The following CYP24A1 variants were observed in gnomAD, a reference collection of about 807,000 sequenced individuals.
CYP24A1 encodes the protein 1,25-dihydroxyvitamin D(3) 24-hydroxylase, mitochondrial.
Under a neutral mutation model 62.4 loss-of-function variants are expected in CYP24A1, and 68 were observed. That is an observed-to-expected ratio of 1.09 (90% CI 0.90 to 1.33). The LOEUF (loss-of-function observed/expected upper bound fraction) is 1.33. Among genes scored for constraint, CYP24A1 ranks in the 40% most tolerant of loss-of-function variants. CYP24A1 has a pLI of 0.00. For synonymous variants in CYP24A1, 267 were observed against 253.0 expected (o/e 1.06, Z -0.52); for missense variants, 787 against 653.0 (o/e 1.21, Z -2.24).
chr20:54,157,968 A>G (rs1021245662), intron 9 of CYP24A1, 118 bp downstream of exon 9: 7 of 1,517,522 alleles, frequency 4.6e-6, no homozygotes, highest in African/African-American at 4.1e-5. Flanking sequence ...ATTCTCTACC[A>G]TCTCTGCATT....
At chr20:54,147,906 T>C in the CYP24A1 span, among the ~76,000 whole-genome samples, 1 of 152,130 alleles carries the variant, frequency 6.6e-6, no homozygotes, top group East Asian at 1.9e-4. Flanking sequence ...GGATCTTGGC[T>C]CACTGCAACC....
Position 54,173,232 on chromosome 20 carries a change from G to A in CYP24A1, c.258+90C>T, listed in dbSNP as rs1298009390. On this transcript the variant is annotated intron_variant, in intron 1 of 11. Transcript: ENST00000216862. The surrounding 1 kb of genome is among the most constrained non-coding windows in gnomAD (Gnocchi z 7.2). ...GCCCAGACGCCGAAGCGCACCATGC[G>A]CCCGAGGCGCGCATGTCGGGGAGGG... The A allele has an allele frequency of 3.3e-6, 5 of 1,514,906 alleles. No homozygotes were observed. Among genetic ancestry groups the A allele is most frequent in the Non-Finnish European group, 3.6e-6 (4 of 1,098,258 alleles). 93.8% of individuals were successfully genotyped at this position (1,514,906 alleles called of 1,614,324 possible). A position where few individuals can be genotyped will look rare whatever the true frequency, so the allele number is the denominator to read the frequency against.
chr20:54,166,263 C>T lies in CYP24A1; in HGVS notation c.641-430G>A, dbSNP rs374352632. ...GAGAAGGGAAGGGAATAATTATGTT[C>T]TAAACACCCATTACACGCCAGGTAC... On this transcript the variant is annotated intron_variant, in intron 4 of 11. Transcript: ENST00000216862. Among the ~76,000 whole-genome samples the T allele has an allele frequency of 5.8e-4, 88 of 152,298 alleles. 2 individuals are homozygous for T. The highest frequency in any genetic ancestry group is 2.0e-3 in the African/African-American group (82 of 41,572).
intron 2 of CYP24A1, 59 bp from the exon 3 acceptor site, chr20:54,171,729 A>C (rs764588937): frequency 1.1e-5 from 18 of 1,613,812 alleles, no homozygotes; most frequent in Non-Finnish European, 1.5e-5. Flanking sequence ...GGAGATGCAG[A>C]AATACTCCAG....
In CYP24A1 at chr20:54,173,491, G is replaced by T. The variant is rs1043288446; in HGVS notation, c.89C>A (p.Ser30Tyr). 1 of 1,565,664 alleles carries T rather than the reference G, an allele frequency of 6.4e-7. No individual in the cohort carries two copies. Among genetic ancestry groups the T allele is most frequent in the Non-Finnish European group, 8.7e-7 (1 of 1,154,964 alleles). ...SPRQPPRLVT[S>Y]TAYTSPQPRE... ...CGGCTGAGGGGACGTGTACGCCGTA[G>T]ATGTCACCAGTCTCGGGGGCTGCCT... Residue 30 changes from serine (S) to tyrosine (Y), a missense_variant, in exon 1 of 12, where the codon TCT (serine) becomes TAT (tyrosine). Physicochemically the swap from Ser to Tyr is moderately radical, Grantham distance 144. Transcript: ENST00000216862. This position sits in a 1 kb window ranked among gnomAD's most constrained non-coding sequence, Gnocchi z 7.2.
chr20:54,164,336 T>G lies in CYP24A1; in HGVS notation c.844+116A>C. ...GGGCAATCCCCAAAACACCTGTGTT[T>G]GCAAAACCTAAATGTGGTGATGAGG... is the stretch of plus-strand genomic sequence containing the variant. On this transcript the variant is annotated intron_variant, in intron 6 of 11. Coordinates refer to ENST00000216862, the MANE Select transcript of CYP24A1 (RefSeq NM_000782.5). 5.7e-6 allele frequency: 9 copies of G among 1,591,672 alleles called. No individual in the cohort carries two copies. The South Asian group carries it at 1.0e-4, about 18-fold the overall frequency.
At chr20:54,151,224 C>A (rs572682788), downstream of CYP24A1, among the ~76,000 whole-genome samples, 12 of 152,256 alleles carry the variant, frequency 7.9e-5, no homozygotes, top group Admixed American at 5.9e-4. Flanking sequence ...GGTTCCTCCC[C>A]CTTTTAGACC....
chr20:54,155,821 A>G (rs1430157503), intron 11 of CYP24A1, among the ~76,000 whole-genome samples: 1 of 151,976 alleles, frequency 6.6e-6, no homozygotes, highest in African/African-American at 2.4e-5. Context: ...TGTAATGTCT[A>G]TTAGGAGAAC....
chr20:54,161,166 A>G (rs759046530), intron 7 of CYP24A1, among the ~76,000 whole-genome samples: 38 of 152,138 alleles, frequency 2.5e-4, no homozygotes, highest in Non-Finnish European at 4.4e-4. Flanking sequence ...CTCTGACCAC[A>G]TTTACTAGTT....
At position 54,173,122 on chromosome 20, in the gene CYP24A1, C is replaced by T. The variant is rs1224590633; in HGVS notation, c.259-23G>A. ...CACCTGCAGCCGGCCGGGCACAGCGCGGTGTCAGCGCGCATCCTCCGCCGT... is the reference window on the plus strand; with the variant it reads ...CACCTGCAGCCGGCCGGGCACAGCGTGGTGTCAGCGCGCATCCTCCGCCGT... On this transcript the variant is annotated intron_variant, in intron 1 of 11. Transcript: ENST00000216862. The surrounding 1 kb of genome is among the most constrained non-coding windows in gnomAD (Gnocchi z 7.2). The T allele has an allele frequency of 6.2e-7, 1 of 1,600,090 alleles. No individual in the cohort carries two copies. Among genetic ancestry groups the T allele is most frequent in the Non-Finnish European group, 8.5e-7 (1 of 1,178,960 alleles).
At chr20:54,162,458 C>T (rs2092654798) in intron 7 of CYP24A1, 1 of 313,536 alleles carries the variant, frequency 3.2e-6, no homozygotes, top group Admixed American at 4.9e-5. Flanking sequence ...CATGAAGTCT[C>T]CTCCTACCCA....
chr20:54,171,470 C>A, intron 3 of CYP24A1, 107 bp downstream of exon 3: 1 of 1,604,876 alleles, frequency 6.2e-7, no homozygotes, highest in Non-Finnish European at 8.5e-7. Flanking sequence ...TTTGAATCAC[C>A]CGAATTGCAT....
At chr20:54,162,199 T>C (rs2092652826) in intron 7 of CYP24A1, among the ~76,000 whole-genome samples, 1 of 146,772 alleles carries the variant, frequency 6.8e-6, no homozygotes, top group Non-Finnish European at 1.5e-5. Context: ...AAAAATATTA[T>C]TGGCTTGAAA....
chr20:54,148,361 G>GAC, the CYP24A1 span, among the ~76,000 whole-genome samples: 35 of 70,054 alleles, frequency 5.0e-4, no homozygotes, highest in Admixed American at 3.0e-3. Context: ...TACATACACA[G>GAC]ACACACAGAC....
chr20:54,154,998 G>A (rs568757785), intron 11 of CYP24A1: 105 of 109,166 alleles, frequency 9.6e-4, no homozygotes, highest in Non-Finnish European at 1.7e-3. Context: ...TACCCTAATT[G>A]TATATCAAAG....
the CYP24A1 span, among the ~76,000 whole-genome samples, chr20:54,147,178 C>T: frequency 6.6e-6 from 1 of 152,136 alleles, no homozygotes; most frequent in Non-Finnish European, 1.5e-5. Flanking sequence ...CTTCTCTAAG[C>T]CTAATTGAAA....
At chr20:54,164,405 G>C in intron 6 of CYP24A1, 47 bp downstream of exon 6, 1 of 1,613,430 alleles carries the variant, frequency 6.2e-7, no homozygotes, top group Non-Finnish European at 8.5e-7. Context: ...CTCCAGACAC[G>C]GGGGTGCTGG....
rs765472830 is a variant in CYP24A1 at position 54,157,199 on chromosome 20, T to C, written c.1525A>G (p.Ile509Val). The change falls in exon 11 of 12, where the codon ATC becomes GTC. Residue 509 changes from isoleucine to valine, a missense_variant. Transcript: ENST00000216862. Reference protein sequence around the residue: ...GTLVPSRELPIAFCQR With the variant: ...GTLVPSRELPVAFCQR The stretch of plus-strand genomic sequence containing the variant: ...GCGTATTATCGCTGGCAAAACGCGA[T>C]GGGGAGTTCCCGGCTGGGCACCAGG... 2.0e-5 allele frequency: 32 copies of C among 1,604,872 alleles called. No individual in the cohort carries two copies. Among genetic ancestry groups the C allele is most frequent in the Non-Finnish European group, 2.6e-5 (30 of 1,171,822 alleles).
In CYP24A1 at chr20:54,173,384, G is replaced by A. The variant is rs1427886100; in HGVS notation, c.196C>T (p.Leu66=). 1 of 1,595,532 alleles carries A rather than the reference G, an allele frequency of 6.3e-7. No homozygotes were observed. Among genetic ancestry groups the A allele is most frequent in the Non-Finnish European group, 8.5e-7 (1 of 1,169,720 alleles). ...AALPGPTSWP[L]LGSLLQILWK... ...AGAATCTGCAGCAGGCTGCCCAGCAGTGGCCAGCTGGTGGGGCCCGGCAGG... is the reference window on the plus strand; with the variant it reads ...AGAATCTGCAGCAGGCTGCCCAGCAATGGCCAGCTGGTGGGGCCCGGCAGG... Residue 66 remains leucine (L), a synonymous_variant, in exon 1 of 12, where the codon CTG becomes TTG. Transcript: ENST00000216862. The surrounding 1 kb of genome is among the most constrained non-coding windows in gnomAD (Gnocchi z 7.2).
Sources: allele counts gnomAD v4.1 joint callset (sites outside exome capture counted in the v4.1 genomes callset), GRCh38; gene constraint gnomAD v4.1.1; non-coding constraint Gnocchi (gnomAD v3.1); transcripts MANE v1.5; gene names NCBI Gene and HGNC (gene_info 2026-07-23, HGNC 2026-07-21).